SLC38A2: variants seen among roughly 807,000 people sequenced by gnomAD.
SLC38A2 encodes sodium-coupled neutral amino acid symporter 2.
In SLC38A2, 11 loss-of-function variants were observed where a neutral mutation model predicts 61.5. That is an observed-to-expected ratio of 0.18 (90% CI 0.11 to 0.30). The LOEUF (loss-of-function observed/expected upper bound fraction) is 0.30. Ranked by LOEUF, SLC38A2 falls within the 10% of genes least tolerant of loss-of-function variation. The pLI, the probability that SLC38A2 is intolerant of heterozygous loss-of-function variation, is 1.00. For missense variants in SLC38A2, 522 were observed against 600.4 expected, an observed-to-expected ratio of 0.87 and a Z score of 1.36; for synonymous variants, 217 against 212.5, an observed-to-expected ratio of 1.02 and a Z score of -0.18.
rs1592205891 is a variant in SLC38A2 at position 46,367,550 on chromosome 12, T to C, written c.315-210A>G. ...AAAACTTGCATCATTTCTCAGGTGA[T>C]AGTTCTACAGCATTGGTTAGGAACA... On this transcript the variant is annotated intron_variant, in intron 4 of 15. Coordinates refer to ENST00000256689, the MANE Select transcript of SLC38A2 (RefSeq NM_018976.5). 3 of 590,514 alleles carry C rather than the reference T, an allele frequency of 5.1e-6. No homozygotes were observed. The African/African-American group carries it at 5.6e-5, about 11-fold the overall frequency. 36.6% of individuals were successfully genotyped at this position (590,514 alleles called of 1,614,324 possible).
chr12:46,371,309 G>C lies in SLC38A2; in HGVS notation c.-16C>G. The stretch of plus-strand genomic sequence containing the variant: ...CCTTCTTCATGCTAAGCACTGGGAG[G>C]AATCGGGTGCAGCTAGTAGCGCTGG... On this transcript the variant is annotated 5_prime_UTR_variant, in exon 2 of 16. Coordinates refer to ENST00000256689, the MANE Select transcript of SLC38A2 (RefSeq NM_018976.5). 6.2e-7 allele frequency: 1 copy of C among 1,602,628 alleles called. No homozygotes were observed. The highest frequency in any genetic ancestry group is 1.3e-5 in the African/African-American group (1 of 74,850).
chr12:46,363,682 T>TTTTTTG lies in SLC38A2; in HGVS notation c.1054+38_1054+43dup, dbSNP rs748981277. The TTTTTTG allele has an allele frequency of 2.2e-5, 29 of 1,307,620 alleles. No individual in the cohort carries two copies. The African/African-American group carries it at 2.7e-4, about 12-fold the overall frequency. 81.0% of individuals were successfully genotyped at this position (1,307,620 alleles called of 1,614,324 possible). A position where few individuals can be genotyped will look rare whatever the true frequency, so the allele number is the denominator to read the frequency against. ...AGCAGCTTCATTTCAATAAGCGTTT[T>TTTTTTG]TTTTTGTTTTTGTTTTTGTTTTGGT... On this transcript the variant is annotated intron_variant, in intron 12 of 15. Coordinates refer to ENST00000256689, the MANE Select transcript of SLC38A2 (RefSeq NM_018976.5).
At position 46,372,553 on chromosome 12, in the gene SLC38A2, C is replaced by G. The variant is rs1943217415; in HGVS notation, c.-131G>C. The G allele has an allele frequency of 5.1e-6, 2 of 393,468 alleles. No individual in the cohort carries two copies. Among genetic ancestry groups the G allele is most frequent in the Non-Finnish European group, 9.0e-6 (2 of 223,102 alleles). The allele number at this position is 393,468 out of a possible 1,614,324, so 24.4% of individuals were successfully genotyped here. On this transcript the variant is annotated 5_prime_UTR_variant, in exon 1 of 16. Coordinates refer to ENST00000256689, the MANE Select transcript of SLC38A2 (RefSeq NM_018976.5). The stretch of plus-strand genomic sequence containing the variant: ...ACGCAGACGTCTTCAGTGGGTTTCT[C>G]TCAGTCAAATACAAATCATAAAAAA...
At chr12:46,370,488 G>C in intron 4 of SLC38A2, 24 bp downstream of exon 4, 1 of 1,538,712 alleles carries the variant, frequency 6.5e-7, no homozygotes, top group Non-Finnish European at 9.0e-7. Context: ...CTGCATGGCA[G>C]ACTCACTACT....
At position 46,362,290 on chromosome 12, in the gene SLC38A2, C is replaced by T; in HGVS notation, c.1416G>A (p.Lys472=). 1 of 1,606,264 alleles carries T rather than the reference C, an allele frequency of 6.2e-7. No homozygotes were observed. The highest frequency in any genetic ancestry group is 8.5e-7 in the Non-Finnish European group (1 of 1,176,606). ...VKKEPMKSVQ[K]IGALFFLLSG... ...GTTATAATCTTTCACTCACCCCAAT[C>T]TTTTGTACAGATTTCATAGGTTCTT... The change falls in exon 15 of 16, where the codon AAG becomes AAA. Residue 472 remains lysine, a synonymous_variant. Transcript: ENST00000256689.
Position 46,364,458 on chromosome 12 carries a change from T to C in SLC38A2, c.804A>G (p.Val268=), listed in dbSNP as rs761931419. 2 of 1,612,702 alleles carry C rather than the reference T, an allele frequency of 1.2e-6. No individual in the cohort carries two copies. The highest frequency in any genetic ancestry group is 1.1e-5 in the South Asian group (1 of 90,808). ...CAGTCACGTTATGTGACAAAGCAGG[T>C]ACAAGAGCTGTTGGCTGTGTTAAGG... is the stretch of plus-strand genomic sequence containing the variant. ...NTTLTQPTAL[V]PALSHNVTEN... is the part of the protein sequence containing the mutation. The change falls in exon 10 of 16, where the codon GTA becomes GTG. Residue 268 remains valine, a synonymous_variant. Transcript: ENST00000256689.
chr12:46,362,676 C>T, intron 13 of SLC38A2, 38 bp from the exon 14 acceptor site: 1 of 1,536,448 alleles, frequency 6.5e-7, no homozygotes, highest in African/African-American at 1.4e-5. Context: ...TTAAAAATAG[C>T]AGCAATATAA....
At position 46,372,703 on chromosome 12, in the gene SLC38A2, G is replaced by A. The variant is rs181910522; in HGVS notation, c.-281C>T. On this transcript the variant is annotated 5_prime_UTR_variant, in exon 1 of 16. Coordinates refer to ENST00000256689, the MANE Select transcript of SLC38A2 (RefSeq NM_018976.5). ...TGTCAAGGGAAAGGCGCGAGCGTGCGGTAACGCGTGGTCGGGCTGCTGCTA... is the reference window on the plus strand; with the variant it reads ...TGTCAAGGGAAAGGCGCGAGCGTGCAGTAACGCGTGGTCGGGCTGCTGCTA... 1.0e-5 allele frequency: 4 copies of A among 398,404 alleles called. No individual in the cohort carries two copies. In the Admixed American group the frequency reaches 1.8e-4, roughly 18 times the overall value. The allele number at this position is 398,404 out of a possible 1,614,324, so 24.7% of individuals were successfully genotyped here. A position where few individuals can be genotyped will look rare whatever the true frequency, so the allele number is the denominator to read the frequency against.
rs2120575029 is a variant in SLC38A2 at position 46,371,351 on chromosome 12, G to A, written c.-58C>T. 1.4e-6 allele frequency: 2 copies of A among 1,421,366 alleles called. No homozygotes were observed. Among genetic ancestry groups the A allele is most frequent in the African/African-American group, 2.8e-5 (2 of 71,036 alleles). 88.0% of individuals were successfully genotyped at this position (1,421,366 alleles called of 1,614,324 possible). On this transcript the variant is annotated 5_prime_UTR_variant, in exon 2 of 16. Transcript: ENST00000256689. ...TAGCGCTGGGCTCCTTTTGTCCTTG[G>A]CGGTGGGTGCAGCGGCCCGCGAGTC...
Position 46,371,276 on chromosome 12 carries a change from C to T in SLC38A2, c.18G>A (p.Met6Ile). MKKAE[M>I]GRFSISPDED... ...CATCCGGGGAAATACTGAATCGTCCCATTTCGGCCTTCTTCATGCTAAGCA... is the reference window on the plus strand; with the variant it reads ...CATCCGGGGAAATACTGAATCGTCCTATTTCGGCCTTCTTCATGCTAAGCA... The change falls in exon 2 of 16, where the codon ATG becomes ATA. Residue 6 changes from methionine to isoleucine, a missense_variant. This residue lies in a region of SLC38A2 where 102 missense variants were observed against 83.1 expected (regional missense o/e 1.23). Transcript: ENST00000256689. 1 of 1,614,234 alleles carries T rather than the reference C, an allele frequency of 6.2e-7. No homozygotes were observed. Among genetic ancestry groups the T allele is most frequent in the Non-Finnish European group, 8.5e-7 (1 of 1,180,038 alleles).
chr12:46,360,986 G>T lies in SLC38A2; in HGVS notation c.*125C>A. 2.9e-6 allele frequency: 2 copies of T among 698,398 alleles called. No individual in the cohort carries two copies. The highest frequency in any genetic ancestry group is 4.0e-5 in the South Asian group (2 of 49,720). 43.3% of individuals were successfully genotyped at this position (698,398 alleles called of 1,614,324 possible). On this transcript the variant is annotated 3_prime_UTR_variant, in exon 16 of 16. Transcript: ENST00000256689. Reference sequence around the variant, plus strand: ...AAGTTCACTTATTCTGCACTCAGAAGAACCAGCGAGGAATCTGCACTTCAA... The same window carrying T: ...AAGTTCACTTATTCTGCACTCAGAATAACCAGCGAGGAATCTGCACTTCAA...
intron 8 of SLC38A2, 91 bp downstream of exon 8, chr12:46,365,016 C>CT: frequency 8.2e-7 from 1 of 1,217,102 alleles, no homozygotes; most frequent in Non-Finnish European, 1.2e-6. Flanking sequence ...CTTTCTAGGG[C>CT]TTTTTCATTC....
At chr12:46,370,483 T>A in intron 4 of SLC38A2, 29 bp downstream of exon 4, 1 of 1,518,728 alleles carries the variant, frequency 6.6e-7, no homozygotes, top group Non-Finnish European at 9.1e-7. Context: ...CTGCCCTGCA[T>A]GGCAGACTCA....
chr12:46,370,594 A>G lies in SLC38A2; in HGVS notation c.232T>C (p.Phe78Leu). Residue 78 changes from phenylalanine to leucine, a missense_variant, in exon 4 of 16, where the codon TTT becomes CTT. Physicochemically the swap from Phe to Leu is conservative, Grantham distance 22 (BLOSUM62 0). Coordinates refer to ENST00000256689, the MANE Select transcript of SLC38A2 (RefSeq NM_018976.5). ...CCCACAATCGCATTGCTCAGATTAA[A>G]TACTGACATTCCAAAGGAAGTAGTA... ...PGTTSFGMSV[F>L]NLSNAIVGSG... is the part of the protein sequence containing the mutation. The G allele has an allele frequency of 6.2e-7, 1 of 1,614,164 alleles. No individual in the cohort carries two copies. Among genetic ancestry groups the G allele is most frequent in the Non-Finnish European group, 8.5e-7 (1 of 1,179,990 alleles).
chr12:46,371,465 T>C (rs1185289342), intron 1 of SLC38A2, 86 bp from the exon 2 acceptor site: 3 of 598,128 alleles, frequency 5.0e-6, no homozygotes, highest in South Asian at 3.9e-5. Context: ...GCGCGGCTGA[T>C]TCATCCCAGG....
chr12:46,362,854 G>A, intron 13 of SLC38A2, 167 bp downstream of exon 13: 1 of 998,230 alleles, frequency 1.0e-6, no homozygotes, highest in Non-Finnish European at 1.4e-6. Context: ...AATGTCCCCA[G>A]GGTATTTTGA....
At chr12:46,367,426 A>G (rs1164199769) in intron 4 of SLC38A2, 86 bp from the exon 5 acceptor site, 5 of 792,090 alleles carry the variant, frequency 6.3e-6, no homozygotes, top group African/African-American at 5.2e-5. Flanking sequence ...AAATAACATT[A>G]TGTGTGCAAC....
rs1384384764 is a variant in SLC38A2 at position 46,372,721 on chromosome 12, T to C, written c.-299A>G. On this transcript the variant is annotated 5_prime_UTR_variant, in exon 1 of 16. Transcript: ENST00000256689. ...AGCGTGCGGTAACGCGTGGTCGGGC[T>C]GCTGCTAGCAGTACTGGAAAGGCGT... 2.5e-6 allele frequency: 1 copy of C among 398,350 alleles called. No homozygotes were observed. Among genetic ancestry groups the C allele is most frequent in the Non-Finnish European group, 4.4e-6 (1 of 225,934 alleles). 24.7% of individuals were successfully genotyped at this position (398,350 alleles called of 1,614,324 possible).
chr12:46,361,094 A>C lies in SLC38A2; in HGVS notation c.*17T>G. ...ACTGGCATCAGATGGACTGAGTTTG[A>C]GTTTGAGTGGTGCCAATTAATGGCC... On this transcript the variant is annotated 3_prime_UTR_variant, in exon 16 of 16. Transcript: ENST00000256689. 6.2e-7 allele frequency: 1 copy of C among 1,601,654 alleles called. No homozygotes were observed. The highest frequency in any genetic ancestry group is 8.5e-7 in the Non-Finnish European group (1 of 1,169,874).
Sources: gnomAD v4.1 joint callset for allele counts on GRCh38, gnomAD v4.1.1 for gene constraint, gnomAD v4.1.1 regional missense constraint, MANE v1.5 for transcripts, NCBI Gene and HGNC (gene_info 2026-07-23, HGNC 2026-07-21) for gene names.